DISP3: variants seen among roughly 807,000 people sequenced by gnomAD.
DISP3 encodes the protein protein dispatched homolog 3.
A neutral mutation model predicts 135.3 loss-of-function variants in DISP3; 101 were observed. The observed-to-expected ratio is 0.75, with a 90% CI of 0.64 to 0.88. DISP3 has a LOEUF of 0.88. DISP3 is among the 40% of genes least tolerant of loss of function. DISP3 has a pLI of 0.00. For synonymous variants in DISP3, 856 were observed against 817.0 expected (o/e 1.05, Z -0.81); for missense variants, 1,713 against 1,878.6 (o/e 0.91, Z 1.63).
At position 11,535,460 on chromosome 1, in the gene DISP3, C is replaced by T. The variant is rs72636810; in HGVS notation, c.3650-18C>T. The T allele has an allele frequency of 3.1e-5, 50 of 1,593,246 alleles. No homozygotes were observed. The Middle Eastern group carries it at 5.0e-4, about 16-fold the overall frequency. On this transcript the variant is annotated intron_variant, in intron 19 of 20. Coordinates refer to ENST00000294484, the MANE Select transcript of DISP3 (RefSeq NM_020780.2). ...AGGGCGGGGGATCCGAGCTGCCCCC[C>T]CTGCTGTCTCCTTGCAGGCATCGTG... is the stretch of plus-strand genomic sequence containing the variant.
Position 11,536,758 on chromosome 1 carries a change from CTT to C in DISP3, c.*73_*74del. ...GGACAGGAGCTGCTTCCCAGCTCGA[CTT>C]CAGCTAGCTGTGTCCCCAGGCCTGG... is the stretch of plus-strand genomic sequence containing the variant. On this transcript the variant is annotated 3_prime_UTR_variant, in exon 21 of 21. Transcript: ENST00000294484. The surrounding 1 kb of genome is among the most constrained non-coding windows in gnomAD (Gnocchi z 4.3). The C allele has an allele frequency of 6.9e-7, 1 of 1,445,676 alleles. No individual in the cohort carries two copies. Among genetic ancestry groups the C allele is most frequent in the East Asian group, 2.5e-5 (1 of 40,258 alleles). 89.6% of individuals were successfully genotyped at this position (1,445,676 alleles called of 1,614,324 possible).
intron 11 of DISP3, 77 bp downstream of exon 11, chr1:11,524,132 AT>A: frequency 8.9e-7 from 1 of 1,127,156 alleles, no homozygotes; most frequent in Non-Finnish European, 1.3e-6. Flanking sequence ...AGCAGATAAA[AT>A]TCCTTCTGGA....
rs1170672036 is a variant in DISP3, at chr1:11,519,961, C to T, written c.2200+81C>T. The T allele has an allele frequency of 7.9e-6, 11 of 1,401,036 alleles. No individual in the cohort carries two copies. In the East Asian group the frequency reaches 1.2e-4, roughly 15 times the overall value. 86.8% of individuals were successfully genotyped at this position (1,401,036 alleles called of 1,614,324 possible). A position where few individuals can be genotyped will look rare whatever the true frequency, so the allele number is the denominator to read the frequency against. On this transcript the variant is annotated intron_variant, in intron 9 of 20. Transcript: ENST00000294484. This position sits in a 1 kb window ranked among gnomAD's most constrained non-coding sequence, Gnocchi z 4.3. ...CAGGAACTGGGAGCCCACCCCCTCT[C>T]GCAGATGCCCCAGGGTCAGAGGCCT... is the stretch of plus-strand genomic sequence containing the variant.
chr1:11,525,102 G>A lies in DISP3; in HGVS notation c.2477-74G>A, dbSNP rs1642373905. Reference sequence around the variant, plus strand: ...AGCTCGTTAGTCGACAGAGCTGAGGGTGGGCTGCTCCAGGGTCAGGAGAAG... The same window carrying A: ...AGCTCGTTAGTCGACAGAGCTGAGGATGGGCTGCTCCAGGGTCAGGAGAAG... On this transcript the variant is annotated intron_variant, in intron 11 of 20. Coordinates refer to ENST00000294484, the MANE Select transcript of DISP3 (RefSeq NM_020780.2). 3 of 1,563,750 alleles carry A rather than the reference G, an allele frequency of 1.9e-6. No homozygotes were observed. In the East Asian group the frequency reaches 6.8e-5, roughly 35 times the overall value.
At chr1:11,521,989 G>C (rs538798772) in intron 10 of DISP3, among the ~76,000 whole-genome samples, 1 of 152,272 alleles carries the variant, frequency 6.6e-6, no homozygotes, top group East Asian at 1.9e-4. Context: ...TGGTGGTGCT[G>C]GGACCAGCAT....
chr1:11,510,609 T>TTTCAGTGTTTTTTGTTCC (rs59899154), intron 3 of DISP3, among the ~76,000 whole-genome samples: 1 of 151,930 alleles, frequency 6.6e-6, no homozygotes, highest in African/African-American at 2.4e-5. Context: ...TCATTACCAT[T>TTTCAGTGTTTTTTGTTCC]TTTGTATAGA....
intron 20 of DISP3, 75 bp downstream of exon 20, chr1:11,535,719 T>C: frequency 1.3e-6 from 2 of 1,522,766 alleles, no homozygotes; most frequent in Non-Finnish European, 1.8e-6. Context: ...TGAGGGACCC[T>C]CAAGGGCAGC....
intron 1 of DISP3, among the ~76,000 whole-genome samples, chr1:11,482,698 AC>A (rs1160996012): frequency 4.0e-5 from 6 of 151,830 alleles, no homozygotes; most frequent in Non-Finnish European, 7.4e-5. Context: ...CCCCACCTGA[AC>A]CCCTCTTATA....
intron 1 of DISP3, among the ~76,000 whole-genome samples, chr1:11,500,580 A>G (rs1195252474): frequency 6.6e-6 from 1 of 152,176 alleles, no homozygotes; most frequent in East Asian, 1.9e-4. Context: ...GCTGCTCATT[A>G]AATGAGAGTG....
At chr1:11,510,853 GA>G (rs564571579) in intron 3 of DISP3, among the ~76,000 whole-genome samples, 2 of 151,084 alleles carry the variant, frequency 1.3e-5, no homozygotes, top group East Asian at 1.9e-4. Context: ...AACTCGGAGA[GA>G]AAAAAAAAGA....
At position 11,520,749 on chromosome 1, in the gene DISP3, C is replaced by T. The variant is rs764393813; in HGVS notation, c.2263C>T (p.Arg755Trp). 12 of 1,613,566 alleles carry T rather than the reference C, an allele frequency of 7.4e-6. No homozygotes were observed. Among genetic ancestry groups the T allele is most frequent in the South Asian group, 3.3e-5 (3 of 91,074 alleles). The change falls in exon 10 of 21, where the codon CGG becomes TGG. Residue 755 changes from arginine to tryptophan, a missense_variant. This residue lies in a region of DISP3 where 1,142 missense variants were observed against 1,384.6 expected (regional missense o/e 0.82). Coordinates refer to ENST00000294484, the MANE Select transcript of DISP3 (RefSeq NM_020780.2). This position sits in a 1 kb window ranked among gnomAD's most constrained non-coding sequence, Gnocchi z 4.8. ...VFASRLRPAS[R>W]APLLFRPDTN... The stretch of plus-strand genomic sequence containing the variant: ...CGCCAGCCGGCTCCGCCCCGCCAGC[C>T]GGGCCCCGCTACTCTTCCGGCCTGA...
intron 7 of DISP3, among the ~76,000 whole-genome samples, chr1:11,518,956 C>T (rs755296372): frequency 3.3e-5 from 5 of 152,132 alleles, no homozygotes; most frequent in Admixed American, 6.5e-5. Context: ...ACCTCGGCCA[C>T]GCAGCTACAC....
chr1:11,517,711 T>C (rs1178827164), intron 7 of DISP3, 109 bp downstream of exon 7: 1 of 1,383,066 alleles, frequency 7.2e-7, no homozygotes, highest in Non-Finnish European at 9.8e-7. Context: ...ACCAGTCCTT[T>C]GCTAGGCAGG....
rs761781427 is a variant in DISP3, at chr1:11,531,699, G to A, written c.3364G>A (p.Ala1122Thr). The change falls in exon 17 of 21, where the codon GCT becomes ACT. Residue 1122 changes from alanine (A) to threonine (T), a missense_variant. Ala to Thr is a moderately conservative substitution (Grantham distance 58, BLOSUM62 0). Around this residue, in one of 2 missense-constraint regions of DISP3, gnomAD observed 1,142 missense variants for 1,384.6 expected, o/e 0.82. Transcript: ENST00000294484. This position sits in a 1 kb window ranked among gnomAD's most constrained non-coding sequence, Gnocchi z 5.2. The part of the protein sequence containing the change: ...REGRVQWISM[A>T]FESTTYKGKS... Reference sequence around the variant, plus strand: ...GGGCCGCGTGCAGTGGATCTCCATGGCTTTCGAGTCGGTGAGCCCAGGCAG... The same window carrying A: ...GGGCCGCGTGCAGTGGATCTCCATGACTTTCGAGTCGGTGAGCCCAGGCAG... The A allele has an allele frequency of 1.5e-5, 24 of 1,603,172 alleles. No homozygotes were observed. Among genetic ancestry groups the A allele is most frequent in the Non-Finnish European group, 1.3e-5 (15 of 1,174,092 alleles).
chr1:11,530,986 C>A lies in DISP3; in HGVS notation c.3182C>A (p.Ala1061Asp). The A allele has an allele frequency of 6.2e-7, 1 of 1,614,028 alleles. No homozygotes were observed. Among genetic ancestry groups the A allele is most frequent in the African/African-American group, 1.3e-5 (1 of 75,050 alleles). The change falls in exon 16 of 21, where the codon GCC (alanine) becomes GAC (aspartate). Residue 1061 changes from alanine (A) to aspartate (D), a missense_variant. This residue lies in a region of DISP3 where 1,142 missense variants were observed against 1,384.6 expected (regional missense o/e 0.82). Coordinates refer to ENST00000294484, the MANE Select transcript of DISP3 (RefSeq NM_020780.2). ...HLCHLCKAIA[A>D]NSELVKPGGA... ...TGTCACCTCTGCAAGGCCATCGCAG[C>A]CAACTCCGAGCTGGTGAAGCCGGGT...
In DISP3 at chr1:11,520,980, C is replaced by A; in HGVS notation, c.2362+132C>A. On this transcript the variant is annotated intron_variant, in intron 10 of 20. Transcript: ENST00000294484. The surrounding 1 kb of genome is among the most constrained non-coding windows in gnomAD (Gnocchi z 4.8). The stretch of plus-strand genomic sequence containing the variant: ...AGGCAAATCCCACTCCCCTCTGAGC[C>A]CCCATGTTCCCACAGTTCATTCAAC... The A allele has an allele frequency of 8.9e-7, 1 of 1,127,426 alleles. No homozygotes were observed. The highest frequency in any genetic ancestry group is 1.2e-6 in the Non-Finnish European group (1 of 816,110). 69.8% of individuals were successfully genotyped at this position (1,127,426 alleles called of 1,614,324 possible).
chr1:11,482,645 T>C (rs1300659171), intron 1 of DISP3, among the ~76,000 whole-genome samples: 1 of 152,146 alleles, frequency 6.6e-6, no homozygotes, highest in Non-Finnish European at 1.5e-5. Flanking sequence ...GAGAGCTCAG[T>C]GATTAGCCTT....
chr1:11,516,026 C>A lies in DISP3; in HGVS notation c.1614C>A (p.Ile538=), dbSNP rs762735560. 4 of 1,614,032 alleles carry A rather than the reference C, an allele frequency of 2.5e-6. No homozygotes were observed. The East Asian group carries it at 8.9e-5, about 36-fold the overall frequency. Reference sequence around the variant, plus strand: ...GTGTGGACGATGTCTTTGTGTTCATCAACACCTACCGCCAGGCCACCCACC... The same window carrying A: ...GTGTGGACGATGTCTTTGTGTTCATAAACACCTACCGCCAGGCCACCCACC... ...GIGVDDVFVF[I]NTYRQATHLE... The change falls in exon 6 of 21, where the codon ATC becomes ATA. Residue 538 remains isoleucine, a synonymous_variant. Coordinates refer to ENST00000294484, the MANE Select transcript of DISP3 (RefSeq NM_020780.2). This position sits in a 1 kb window ranked among gnomAD's most constrained non-coding sequence, Gnocchi z 5.1.
Position 11,530,997 on chromosome 1 carries a change from C to T in DISP3, c.3193C>T (p.Leu1065=), listed in dbSNP as rs370791052. The T allele has an allele frequency of 1.8e-5, 29 of 1,613,842 alleles. No individual in the cohort carries two copies. Among genetic ancestry groups the T allele is most frequent in the Non-Finnish European group, 2.3e-5 (27 of 1,180,002 alleles). Residue 1065 remains leucine (L), a synonymous_variant, in exon 16 of 21, where the codon CTG becomes TTG. Coordinates refer to ENST00000294484, the MANE Select transcript of DISP3 (RefSeq NM_020780.2). ...LCKAIAANSE[L]VKPGGAQCLP... is the part of the protein sequence containing the mutation. ...CAAGGCCATCGCAGCCAACTCCGAG[C>T]TGGTGAAGCCGGGTGGGGCCCAGTG...
Sources: allele counts gnomAD v4.1 joint callset (sites outside exome capture counted in the v4.1 genomes callset), GRCh38; gene constraint gnomAD v4.1.1; regional missense constraint gnomAD v4.1.1; non-coding constraint Gnocchi (gnomAD v3.1); transcripts MANE v1.5; gene names NCBI Gene and HGNC (gene_info 2026-07-23, HGNC 2026-07-21).